Variants in STXBP5L observed in about 807,000 individuals in gnomAD.
STXBP5L encodes the protein syntaxin binding protein 5L, also known as syntaxin-binding protein 5-like.
A neutral mutation model predicts 144.5 loss-of-function variants in STXBP5L; 65 were observed. The observed-to-expected ratio is 0.45, with a 90% CI of 0.37 to 0.55. The LOEUF (loss-of-function observed/expected upper bound fraction) is 0.55, where lower values mean the gene tolerates loss of function less well. STXBP5L is among the 20% of genes least tolerant of loss of function. The probability of loss-of-function intolerance (pLI) is 0.00; values close to 1 mark genes in which losing one functional copy is unlikely to be tolerated. For missense variants in STXBP5L, 1,298 were observed against 1,405.5 expected (o/e 0.92, Z 1.22); for synonymous variants, 505 against 469.6 (o/e 1.08, Z -0.97).
At chr3:120,947,571 T>C (rs771568064) in intron 2 of STXBP5L, among the ~76,000 whole-genome samples, 4 of 151,856 alleles carry the variant, frequency 2.6e-5, no homozygotes, top group Non-Finnish European at 5.9e-5. Context: ...TTTTAGAACA[T>C]TTCCATCAGT....
chr3:121,388,214 A>T (rs551657996), intron 22 of STXBP5L, among the ~76,000 whole-genome samples: 1 of 152,274 alleles, frequency 6.6e-6, no homozygotes, highest in Non-Finnish European at 1.5e-5. Context: ...TTATTGCTGT[A>T]TAGGAATGTC....
At chr3:121,350,998 G>A (rs2045257271) in intron 20 of STXBP5L, among the ~76,000 whole-genome samples, 1 of 152,114 alleles carries the variant, frequency 6.6e-6, no homozygotes, top group Non-Finnish European at 1.5e-5. Context: ...TCCATTGCTG[G>A]TGAGGAGCTA....
chr3:121,220,010 T>G (rs920872709), intron 10 of STXBP5L, among the ~76,000 whole-genome samples: 1 of 152,194 alleles, frequency 6.6e-6, no homozygotes. Context: ...ATTTTTCTTT[T>G]GGTGTACAGT....
chr3:120,935,604 T>C (rs1255713301), intron 2 of STXBP5L, among the ~76,000 whole-genome samples: 1 of 152,072 alleles, frequency 6.6e-6, no homozygotes, highest in Non-Finnish European at 1.5e-5. Flanking sequence ...AGGTTATTTC[T>C]CCTTCCCTTT....
At chr3:121,335,928 T>C (rs1481499995) in intron 20 of STXBP5L, among the ~76,000 whole-genome samples, 1 of 152,078 alleles carries the variant, frequency 6.6e-6, no homozygotes, top group East Asian at 1.9e-4. Context: ...TGGGATATAA[T>C]TAAACTTAAG....
intron 3 of STXBP5L, among the ~76,000 whole-genome samples, chr3:120,974,242 T>G (rs956267927): frequency 8.5e-5 from 13 of 152,138 alleles, no homozygotes; most frequent in Non-Finnish European, 1.6e-4. Flanking sequence ...TTCTAACTGG[T>G]GTGAGATGGT....
intron 9 of STXBP5L, among the ~76,000 whole-genome samples, chr3:121,178,806 C>G (rs2047030684): frequency 6.6e-6 from 1 of 152,162 alleles, no homozygotes; most frequent in Non-Finnish European, 1.5e-5. Flanking sequence ...CCATCCCTGA[C>G]TATATCTTAC....
intron 3 of STXBP5L, among the ~76,000 whole-genome samples, chr3:121,007,799 A>G (rs1201676904): frequency 6.6e-6 from 1 of 152,024 alleles, no homozygotes; most frequent in African/African-American, 2.4e-5. Flanking sequence ...TAATGGTCAA[A>G]AGAATGTGGT....
At chr3:120,974,877 G>T (rs1157366490) in intron 3 of STXBP5L, among the ~76,000 whole-genome samples, 2 of 152,052 alleles carry the variant, frequency 1.3e-5, no homozygotes, top group Non-Finnish European at 2.9e-5. Flanking sequence ...ATTTCTGAGG[G>T]CTCTGTTCTG....
chr3:121,290,995 A>G (rs1009820000), intron 19 of STXBP5L, among the ~76,000 whole-genome samples: 4 of 152,156 alleles, frequency 2.6e-5, no homozygotes, highest in Non-Finnish European at 5.9e-5. Context: ...AGAAAAAAAC[A>G]AAGATGCCCA....
At chr3:120,933,341 A>T (rs1052038285) in intron 2 of STXBP5L, among the ~76,000 whole-genome samples, 2 of 152,282 alleles carry the variant, frequency 1.3e-5, no homozygotes, top group Non-Finnish European at 2.9e-5. Flanking sequence ...CAGTTATTTT[A>T]ACTGTATCTC....
rs751240547 is a variant in STXBP5L, at chr3:121,381,489, A to T, written c.2544A>T (p.Ala848=). ...VLIISLNLPL[A]DEQRFTEPVM... is the part of the protein sequence containing the mutation. ...TCATCTCCTTAAACCTACCATTAGC[A>T]GATGAACAAAGGTTTACAGAGCCAG... The change falls in exon 22 of 27, where the codon GCA becomes GCT. Residue 848 remains alanine, a synonymous_variant. Coordinates refer to ENST00000471454, the MANE Select transcript of STXBP5L (RefSeq NM_001308330.2). 6.3e-7 allele frequency: 1 copy of T among 1,595,296 alleles called. No individual in the cohort carries two copies. The highest frequency in any genetic ancestry group is 2.2e-5 in the East Asian group (1 of 44,636).
chr3:121,096,744 T>C (rs2043151246), intron 5 of STXBP5L, among the ~76,000 whole-genome samples: 2 of 152,272 alleles, frequency 1.3e-5, no homozygotes, highest in South Asian at 4.1e-4. Context: ...AACCTACCAG[T>C]TGCCAGCCAG....
At chr3:121,033,779 T>C (rs1267406968) in intron 3 of STXBP5L, among the ~76,000 whole-genome samples, 1 of 151,918 alleles carries the variant, frequency 6.6e-6, no homozygotes, top group African/African-American at 2.4e-5. Flanking sequence ...TATAAAATTA[T>C]ATACTTTGAG....
chr3:121,034,036 T>G (rs142279608), intron 3 of STXBP5L, among the ~76,000 whole-genome samples: 2 of 152,272 alleles, frequency 1.3e-5, no homozygotes, highest in African/African-American at 4.8e-5. Context: ...AACTAAGCTT[T>G]GGATATTATT....
intron 3 of STXBP5L, among the ~76,000 whole-genome samples, chr3:120,957,413 A>T (rs868591392): frequency 2.6e-5 from 4 of 151,914 alleles, no homozygotes; most frequent in Non-Finnish European, 4.4e-5. Context: ...AGTGATTTTT[A>T]AAAAATATGT....
intron 18 of STXBP5L, among the ~76,000 whole-genome samples, chr3:121,278,003 C>T (rs2050938373): frequency 6.6e-6 from 1 of 151,976 alleles, no homozygotes; most frequent in African/African-American, 2.4e-5. Flanking sequence ...GTCTCAAGGA[C>T]ATCTTTCTGC....
At position 121,091,916 on chromosome 3, in the gene STXBP5L, A is replaced by G. The variant is rs567296150; in HGVS notation, c.471-23009A>G. On this transcript the variant is annotated intron_variant, in intron 5 of 26. Coordinates refer to ENST00000471454, the MANE Select transcript of STXBP5L (RefSeq NM_001308330.2). ...GGATCTTTATGGTTTTAGGTCTAACATTTAAGTCTTTAATTCATCTTGAAT... is the reference window on the plus strand; with the variant it reads ...GGATCTTTATGGTTTTAGGTCTAACGTTTAAGTCTTTAATTCATCTTGAAT... Among the ~76,000 whole-genome samples, 17 of 152,256 alleles carry G rather than the reference A, an allele frequency of 1.1e-4. No individual in the cohort carries two copies. The South Asian group carries it at 3.5e-3, about 32-fold the overall frequency.
intron 20 of STXBP5L, among the ~76,000 whole-genome samples, chr3:121,360,605 T>C (rs1264707862): frequency 6.6e-6 from 1 of 152,128 alleles, no homozygotes; most frequent in Non-Finnish European, 1.5e-5. Context: ...ATGCGAATAC[T>C]ATCTTATAAC....
Sources: gnomAD v4.1 joint callset for allele counts (sites outside exome capture counted in the v4.1 genomes callset) on GRCh38, gnomAD v4.1.1 for gene constraint, MANE v1.5 for transcripts, NCBI Gene and HGNC (gene_info 2026-07-23, HGNC 2026-07-21) for gene names.